CYLC2: variants seen among roughly 807,000 people sequenced by gnomAD.
CYLC2 encodes the protein cylicin 2, also known as cylicin-2.
A neutral mutation model predicts 26.1 loss-of-function variants in CYLC2; 30 were observed. The ratio of observed to expected loss-of-function variants is 1.15; its 90% CI spans 0.86 to 1.56. CYLC2 has a LOEUF of 1.56. Ranked by LOEUF, CYLC2 falls within the 40% of genes most tolerant of loss-of-function variation. The probability of loss-of-function intolerance (pLI) is 0.00; values close to 1 mark genes in which losing one functional copy is unlikely to be tolerated. For missense variants in CYLC2, 498 were observed against 394.4 expected (o/e 1.26, Z -2.23); for synonymous variants, 158 against 132.8 (o/e 1.19, Z -1.31).
Position 103,004,992 on chromosome 9 carries a change from A to G in CYLC2, c.361A>G (p.Lys121Glu). The G allele has an allele frequency of 6.3e-7, 1 of 1,583,908 alleles. No homozygotes were observed. Among genetic ancestry groups the G allele is most frequent in the African/African-American group, 1.4e-5 (1 of 72,664 alleles). ...AGAAATTGGTAAGAAAGGTGAAGAC[A>G]AGACAACACAGAAGGACACAACAGA... The part of the protein sequence containing the change: ...AAEIGKKGED[K>E]TTQKDTTDSE... The change falls in exon 5 of 8, where the codon AAG becomes GAG. Residue 121 changes from lysine to glutamate, a missense_variant. Transcript: ENST00000374798.
intron 3 of CYLC2, among the ~76,000 whole-genome samples, chr9:103,003,775 T>G (rs1414968332): frequency 6.6e-6 from 1 of 152,104 alleles, no homozygotes; most frequent in Non-Finnish European, 1.5e-5. Flanking sequence ...TCAGGAAATG[T>G]TCTACAGCTG....
At chr9:103,011,836 T>G (rs1245221894) in intron 5 of CYLC2, 146 bp from the exon 6 acceptor site, 1 of 151,588 alleles carries the variant, frequency 6.6e-6, no homozygotes, top group Non-Finnish European at 1.5e-5. Context: ...AAAGTGAGAG[T>G]CCAGGAAAAA....
At chr9:103,015,421 T>G (rs1829491994) in intron 6 of CYLC2, among the ~76,000 whole-genome samples, 1 of 136,336 alleles carries the variant, frequency 7.3e-6, no homozygotes, top group Non-Finnish European at 1.5e-5. Flanking sequence ...TTATATATTA[T>G]AATTATATAC....
chr9:103,009,023 T>C (rs1223770868), intron 5 of CYLC2, among the ~76,000 whole-genome samples: 2 of 152,170 alleles, frequency 1.3e-5, no homozygotes, highest in Non-Finnish European at 2.9e-5. Context: ...ACTATTCCTT[T>C]TGTCTACCAT....
intron 4 of CYLC2, 53 bp downstream of exon 4, chr9:103,004,904 T>C: frequency 6.4e-7 from 1 of 1,572,874 alleles, no homozygotes; most frequent in Non-Finnish European, 8.6e-7. Flanking sequence ...TGATTAGATT[T>C]CTATTAGAAT....
chr9:103,004,564 T>C, intron 3 of CYLC2, 131 bp from the exon 4 acceptor site: 1 of 655,494 alleles, frequency 1.5e-6, no homozygotes, highest in Non-Finnish European at 2.4e-6. Flanking sequence ...GGATGAAATC[T>C]CAAACTTCCC....
At position 103,006,283 on chromosome 9, in the gene CYLC2, C is replaced by T. The variant is rs983377903; in HGVS notation, c.*605C>T. The T allele has an allele frequency of 5.3e-5, 8 of 152,086 alleles. 1 individual carries two copies. The South Asian group carries it at 6.2e-4, about 12-fold the overall frequency. The allele number at this position is 152,086 out of a possible 1,614,324, so 9.4% of individuals were successfully genotyped here. On this transcript the variant is annotated 3_prime_UTR_variant, in exon 5 of 8. Coordinates refer to ENST00000374798, the MANE Select transcript of CYLC2 (RefSeq NM_001340.5). ...AAAAGAAAAAAAATGTATTACCACC[C>T]GATGAGCCTACATCTTTCTTTCTGA...
In CYLC2 at chr9:103,005,432, TA is replaced by T. The variant is rs757958924; in HGVS notation, c.807del (p.Gly270ValfsTer86). On this transcript the variant is annotated frameshift_variant, in exon 5 of 8. Coordinates refer to ENST00000374798, the MANE Select transcript of CYLC2 (RefSeq NM_001340.5). LOFTEE classifies it low-confidence loss of function (END_TRUNC). ...ATGCCAAGAAAGATGCAAAGGAGAT[TA>T]AAAAAGGTAAGAAAGATAAGAAGAA... ...KDAKKDAKEIKKGKKDKKKPS... is the reference protein window; with the variant it reads ...KDAKKDAKEIXKGKKDKKKPS... 1 of 1,612,858 alleles carries T rather than the reference TA, an allele frequency of 6.2e-7. No individual in the cohort carries two copies. Among genetic ancestry groups the T allele is most frequent in the South Asian group, 1.1e-5 (1 of 90,986 alleles).
At position 103,005,611 on chromosome 9, in the gene CYLC2, C is replaced by T. The variant is rs1245398013; in HGVS notation, c.980C>T (p.Ala327Val). Residue 327 changes from alanine to valine, a missense_variant, in exon 5 of 8, where the codon GCA (alanine) becomes GTA (valine). Physicochemically the swap from Ala to Val is moderately conservative, Grantham distance 64. Transcript: ENST00000374798. ...KDAKKNAKKD[A>V]KKDAKKNAKK... is the part of the protein sequence containing the mutation. ...GCAAAGAAAAATGCTAAGAAGGATGCAAAGAAGGATGCAAAGAAGAATGCA... is the reference window on the plus strand; with the variant it reads ...GCAAAGAAAAATGCTAAGAAGGATGTAAAGAAGGATGCAAAGAAGAATGCA... 2 of 1,608,520 alleles carry T rather than the reference C, an allele frequency of 1.2e-6. No homozygotes were observed. The highest frequency in any genetic ancestry group is 3.4e-5 in the Admixed American group (2 of 59,554).
chr9:103,014,124 T>C (rs1243454122), intron 6 of CYLC2, among the ~76,000 whole-genome samples: 6 of 119,830 alleles, frequency 5.0e-5, no homozygotes, highest in Non-Finnish European at 8.0e-5. Flanking sequence ...TATTTTATAT[T>C]ATATTATAAT....
chr9:103,009,263 G>T (rs187833415), intron 5 of CYLC2, among the ~76,000 whole-genome samples: 22 of 152,152 alleles, frequency 1.4e-4, no homozygotes, highest in African/African-American at 5.3e-4. Flanking sequence ...GAGGTACAAT[G>T]GTGTGATCAC....
intron 2 of CYLC2, among the ~76,000 whole-genome samples, chr9:103,002,563 A>G (rs1445259434): frequency 6.6e-6 from 1 of 151,812 alleles, no homozygotes; most frequent in Non-Finnish European, 1.5e-5. Context: ...CGTGTTAGCC[A>G]GGATGGTCTC....
intron 7 of CYLC2, 95 bp downstream of exon 7, chr9:103,017,056 T>C (rs1412515259): frequency 6.6e-6 from 1 of 151,838 alleles, no homozygotes; most frequent in Non-Finnish European, 1.5e-5. Flanking sequence ...TTTTTTCATG[T>C]TGTTTTCATC....
chr9:103,015,532 T>A (rs1428969265), intron 6 of CYLC2, among the ~76,000 whole-genome samples: 1 of 141,912 alleles, frequency 7.0e-6, no homozygotes, highest in Non-Finnish European at 1.5e-5. Flanking sequence ...TATATATAAA[T>A]ATATAAATAT....
At position 103,001,636 on chromosome 9, in the gene CYLC2, AT is replaced by A; in HGVS notation, c.58+21del. 6.7e-7 allele frequency: 1 copy of A among 1,495,914 alleles called. No individual in the cohort carries two copies. The highest frequency in any genetic ancestry group is 9.3e-7 in the Non-Finnish European group (1 of 1,077,302). 92.7% of individuals were successfully genotyped at this position (1,495,914 alleles called of 1,614,324 possible). On this transcript the variant is annotated intron_variant, in intron 2 of 7. Transcript: ENST00000374798. The stretch of plus-strand genomic sequence containing the variant: ...CATTCCAGGTAAGAAAGCATTCAAT[AT>A]TTATTACAAAACAGGTGTGCTTAAT...
Position 103,005,611 on chromosome 9 carries a change from C to A in CYLC2, c.980C>A (p.Ala327Glu), listed in dbSNP as rs1245398013. 1.6e-5 allele frequency: 25 copies of A among 1,608,520 alleles called. No individual in the cohort carries two copies. The highest frequency in any genetic ancestry group is 2.0e-5 in the Non-Finnish European group (24 of 1,178,786). ...GCAAAGAAAAATGCTAAGAAGGATG[C>A]AAAGAAGGATGCAAAGAAGAATGCA... ...KDAKKNAKKD[A>E]KKDAKKNAKK... is the part of the protein sequence containing the mutation. The change falls in exon 5 of 8, where the codon GCA (alanine) becomes GAA (glutamate). Residue 327 changes from alanine (A) to glutamate (E), a missense_variant. Physicochemically the swap from Ala to Glu is moderately radical, Grantham distance 107. Transcript: ENST00000374798.
intron 1 of CYLC2, 152 bp from the exon 2 acceptor site, chr9:103,001,426 T>C (rs1007219759): frequency 2.5e-5 from 15 of 608,614 alleles, no homozygotes; most frequent in Middle Eastern, 4.0e-4. Context: ...TCTATTATCC[T>C]GGAGATGAAG....
In CYLC2 at chr9:103,005,999, A is replaced by T. The variant is rs981303754; in HGVS notation, c.*321A>T. On this transcript the variant is annotated 3_prime_UTR_variant, in exon 5 of 8. Transcript: ENST00000374798. ...ATATTCAGATAAGGATGTTGAAGAT[A>T]ATGACACTAAATCTATGGACACACA... is the stretch of plus-strand genomic sequence containing the variant. The T allele has an allele frequency of 9.6e-6, 2 of 208,940 alleles. No homozygotes were observed. The highest frequency in any genetic ancestry group is 1.1e-4 in the East Asian group (1 of 9,470). The allele number at this position is 208,940 out of a possible 1,614,324, so 12.9% of individuals were successfully genotyped here.
chr9:103,015,456 A>G (rs1320283635), intron 6 of CYLC2, among the ~76,000 whole-genome samples: 2 of 138,056 alleles, frequency 1.4e-5, no homozygotes, highest in Non-Finnish European at 3.1e-5. Flanking sequence ...TATATATATT[A>G]TATAATTATA....
Sources: allele counts gnomAD v4.1 joint callset (sites outside exome capture counted in the v4.1 genomes callset), GRCh38; gene constraint gnomAD v4.1.1; transcripts MANE v1.5; gene names NCBI Gene and HGNC (gene_info 2026-07-23, HGNC 2026-07-21).